The following NCKAP5 variants were observed in gnomAD, a reference collection of about 807,000 sequenced individuals.
NCKAP5 encodes the protein nck-associated protein 5.
In NCKAP5, 92 loss-of-function variants were observed where a neutral mutation model predicts 167.0. That is an observed-to-expected ratio of 0.55 (90% CI 0.47 to 0.66). NCKAP5 has a LOEUF of 0.66. Among genes scored for constraint, NCKAP5 ranks in the 30% least tolerant of loss-of-function variants. The pLI is 0.00. For synonymous variants in NCKAP5, 891 were observed against 877.4 expected (o/e 1.02, Z -0.27); for missense variants, 2,378 against 2,315.0 (o/e 1.03, Z -0.56).
chr2:132,895,071 T>C (rs561973971), intron 8 of NCKAP5, among the ~76,000 whole-genome samples: 97 of 152,116 alleles, frequency 6.4e-4, no homozygotes, highest in Admixed American at 2.6e-3. Flanking sequence ...GTGGCTCACA[T>C]CTGTAATCCC....
At chr2:132,890,182 T>C (rs1692581198) in intron 8 of NCKAP5, among the ~76,000 whole-genome samples, 1 of 152,188 alleles carries the variant, frequency 6.6e-6, no homozygotes, top group Non-Finnish European at 1.5e-5. Flanking sequence ...GAAAAGGTGC[T>C]TCTGTACTTT....
At chr2:132,935,943 G>A (rs1696811214) in intron 8 of NCKAP5, among the ~76,000 whole-genome samples, 1 of 152,036 alleles carries the variant, frequency 6.6e-6, no homozygotes, top group African/African-American at 2.4e-5. Context: ...GATAATTCAG[G>A]CAAAAGAGTT....
At chr2:133,496,411 ATT>A (rs1347771350) in intron 3 of NCKAP5, among the ~76,000 whole-genome samples, 3 of 152,052 alleles carry the variant, frequency 2.0e-5, no homozygotes, top group Admixed American at 1.3e-4. Flanking sequence ...TCCCTTGGCC[ATT>A]TATAGGACGA....
chr2:133,077,391 C>G lies in NCKAP5; in HGVS notation c.341+52587G>C, dbSNP rs574016767. Reference sequence around the variant, plus strand: ...TGTGTTTTTAAGCTGAGCCTTACTTCTTCATGAGAGGTTTTTGCCTGCTGA... The same window carrying G: ...TGTGTTTTTAAGCTGAGCCTTACTTGTTCATGAGAGGTTTTTGCCTGCTGA... On this transcript the variant is annotated intron_variant, in intron 6 of 19. Transcript: ENST00000409261. Among the ~76,000 whole-genome samples, 7 of 152,272 alleles carry G rather than the reference C, an allele frequency of 4.6e-5. No individual in the cohort carries two copies. In the East Asian group the frequency reaches 1.2e-3, roughly 25 times the overall value.
At chr2:133,009,477 A>G (rs906818443) in intron 6 of NCKAP5, among the ~76,000 whole-genome samples, 19 of 152,138 alleles carry the variant, frequency 1.2e-4, no homozygotes, top group Non-Finnish European at 2.9e-5. Flanking sequence ...TAAAAGGAAA[A>G]GATGAATCTA....
At chr2:132,955,828 T>C (rs1558986416) in intron 8 of NCKAP5, among the ~76,000 whole-genome samples, 1 of 152,238 alleles carries the variant, frequency 6.6e-6, no homozygotes, top group Non-Finnish European at 1.5e-5. Flanking sequence ...TGTTGTTTCC[T>C]GACTTTTTAA....
chr2:133,285,952 G>T (rs539112556), intron 4 of NCKAP5, among the ~76,000 whole-genome samples: 1 of 152,036 alleles, frequency 6.6e-6, no homozygotes, highest in East Asian at 1.9e-4. Context: ...TAAAAGGTCA[G>T]GAATTATCAA....
At chr2:132,838,353 C>T (rs748146336) in intron 11 of NCKAP5, among the ~76,000 whole-genome samples, 6 of 152,094 alleles carry the variant, frequency 3.9e-5, no homozygotes, top group Non-Finnish European at 7.4e-5. Context: ...AAATCGGGGC[C>T]GGGCGCGGTG....
chr2:133,310,494 C>T (rs903649325), intron 3 of NCKAP5, among the ~76,000 whole-genome samples: 3 of 152,200 alleles, frequency 2.0e-5, no homozygotes, highest in Non-Finnish European at 4.4e-5. Flanking sequence ...ATGACCAGTG[C>T]CTACAGCACT....
At chr2:133,317,463 A>G (rs1359032618) in intron 3 of NCKAP5, among the ~76,000 whole-genome samples, 1 of 151,982 alleles carries the variant, frequency 6.6e-6, no homozygotes, top group East Asian at 1.9e-4. Flanking sequence ...CCATCTAAGG[A>G]GGTAGAGCCA....
chr2:133,572,613 T>C (rs1688907715), upstream of NCKAP5, among the ~76,000 whole-genome samples: 2 of 152,208 alleles, frequency 1.3e-5, no homozygotes, highest in Non-Finnish European at 2.9e-5. Flanking sequence ...GTAATGAGTA[T>C]TGTCTGCTGC....
Position 132,867,267 on chromosome 2 carries a change from C to T in NCKAP5, c.687+1669G>A, listed in dbSNP as rs890035309. Among the ~76,000 whole-genome samples, 9 of 152,204 alleles carry T rather than the reference C, an allele frequency of 5.9e-5. No individual in the cohort carries two copies. The South Asian group carries it at 1.9e-3, about 32-fold the overall frequency. ...TGTACACAGAGCTGCAATAACACTC[C>T]CCTCACTCCTTAGGTTTGTAACTAA... On this transcript the variant is annotated intron_variant, in intron 10 of 19. Transcript: ENST00000409261.
chr2:133,178,286 G>A (rs1040683431), intron 5 of NCKAP5, among the ~76,000 whole-genome samples: 4 of 151,438 alleles, frequency 2.6e-5, no homozygotes, highest in Non-Finnish European at 5.9e-5. Flanking sequence ...TCCCATTGAG[G>A]TCAGGAGTTT....
At chr2:132,853,881 T>A (rs1164148751) in intron 11 of NCKAP5, among the ~76,000 whole-genome samples, 1 of 152,188 alleles carries the variant, frequency 6.6e-6, no homozygotes, top group Non-Finnish European at 1.5e-5. Flanking sequence ...AAACATAATA[T>A]TTCAAAGCTT....
intron 6 of NCKAP5, among the ~76,000 whole-genome samples, chr2:133,002,218 G>C (rs1349971823): frequency 6.6e-6 from 1 of 151,998 alleles, no homozygotes; most frequent in Non-Finnish European, 1.5e-5. Context: ...TTAGCCATGG[G>C]GGATATGTTC....
intron 3 of NCKAP5, among the ~76,000 whole-genome samples, chr2:133,314,125 C>G (rs1383967178): frequency 6.6e-6 from 1 of 152,114 alleles, no homozygotes; most frequent in East Asian, 1.9e-4. Context: ...ATTTTCTCTC[C>G]CATTACTCCC....
Position 133,040,634 on chromosome 2 carries a change from T to A in NCKAP5, c.342-46395A>T, listed in dbSNP as rs573020782. ...TTTACATCAACCAGTGTGGTTCTGA[T>A]AAAAAACTGTTTTCAAAAATGAGAG... On this transcript the variant is annotated intron_variant, in intron 6 of 19. Coordinates refer to ENST00000409261, the MANE Select transcript of NCKAP5 (RefSeq NM_207363.3). Among the ~76,000 whole-genome samples the A allele has an allele frequency of 3.3e-5, 5 of 152,292 alleles. No homozygotes were observed. In the East Asian group the frequency reaches 9.6e-4, roughly 29 times the overall value.
chr2:133,511,499 C>T (rs983667918), intron 3 of NCKAP5, among the ~76,000 whole-genome samples: 2 of 152,160 alleles, frequency 1.3e-5, no homozygotes, highest in African/African-American at 2.4e-5. Flanking sequence ...GGGTCTGACA[C>T]GTCTCTAACT....
intron 9 of NCKAP5, among the ~76,000 whole-genome samples, chr2:132,876,680 G>T (rs2148801609): frequency 6.6e-6 from 1 of 152,294 alleles, no homozygotes; most frequent in Non-Finnish European, 1.5e-5. Flanking sequence ...TATGTGTATT[G>T]CTTAGAGGCA....
Sources: allele counts gnomAD v4.1 joint callset (sites outside exome capture counted in the v4.1 genomes callset), GRCh38; gene constraint gnomAD v4.1.1; transcripts MANE v1.5; gene names NCBI Gene and HGNC (gene_info 2026-07-23, HGNC 2026-07-21).